Variants in SNTG2 observed in about 807,000 individuals in gnomAD.
SNTG2 encodes syntrophin gamma 2, also known as gamma-2-syntrophin.
A neutral mutation model predicts 70.9 loss-of-function variants in SNTG2; 74 were observed. The ratio of observed to expected loss-of-function variants is 1.04; its 90% CI spans 0.86 to 1.27. The LOEUF (loss-of-function observed/expected upper bound fraction) is 1.27, where lower values mean the gene tolerates loss of function less well. SNTG2 is among the 50% of genes most tolerant of loss of function. The probability of loss-of-function intolerance (pLI) is 0.00; values close to 1 mark genes in which losing one functional copy is unlikely to be tolerated. For missense variants in SNTG2, 717 were observed against 690.7 expected (o/e 1.04, Z -0.43); for synonymous variants, 278 against 273.8 (o/e 1.02, Z -0.15).
At chr2:1,286,181 G>A (rs1679757379) in intron 14 of SNTG2, among the ~76,000 whole-genome samples, 1 of 152,102 alleles carries the variant, frequency 6.6e-6, no homozygotes, top group Non-Finnish European at 1.5e-5. Context: ...AGAACATAAT[G>A]TCGAGGGAAC....
At chr2:1,177,565 C>G (rs889146553) in intron 8 of SNTG2, among the ~76,000 whole-genome samples, 3 of 150,980 alleles carry the variant, frequency 2.0e-5, no homozygotes, top group Non-Finnish European at 4.4e-5. Flanking sequence ...ACTTCTTTCT[C>G]AACAAAAACA....
At chr2:979,927 A>G (rs1031119698) in intron 1 of SNTG2, among the ~76,000 whole-genome samples, 3 of 152,162 alleles carry the variant, frequency 2.0e-5, no homozygotes, top group African/African-American at 7.2e-5. Flanking sequence ...ATTATGCCAC[A>G]TTTTGTTAAT....
At chr2:957,137 G>C (rs559852271) in intron 1 of SNTG2, among the ~76,000 whole-genome samples, 6 of 152,330 alleles carry the variant, frequency 3.9e-5, no homozygotes, top group African/African-American at 1.2e-4. Context: ...AACCCGATGA[G>C]TTAGATGCAG....
rs989044421 is a variant in SNTG2, at chr2:1,353,287, G to A, written c.1489-14056G>A. ...GAGCACGACCTGAGCTCCAGGGTGT[G>A]TTCATATGTGAGGGCTACAGCCTCA... is the stretch of plus-strand genomic sequence containing the variant. On this transcript the variant is annotated intron_variant, in intron 16 of 16. Coordinates refer to ENST00000308624, the MANE Select transcript of SNTG2 (RefSeq NM_018968.4). The surrounding 1 kb of genome is among the most constrained non-coding windows in gnomAD (Gnocchi z 4.2). Among the ~76,000 whole-genome samples the A allele has an allele frequency of 3.3e-5, 5 of 152,144 alleles. No homozygotes were observed.
intron 9 of SNTG2, among the ~76,000 whole-genome samples, chr2:1,211,539 A>G (rs1291017900): frequency 6.6e-6 from 1 of 152,188 alleles, no homozygotes; most frequent in African/African-American, 2.4e-5. Flanking sequence ...TATAAAGAAA[A>G]AGAGGTTTAA....
At chr2:1,156,639 T>C (rs1007238722) in intron 6 of SNTG2, among the ~76,000 whole-genome samples, 4 of 152,096 alleles carry the variant, frequency 2.6e-5, no homozygotes, top group African/African-American at 9.7e-5. Context: ...TTAAGTCCCT[T>C]GTTTCTGAAC....
chr2:1,092,264 A>AC (rs1665080862), intron 2 of SNTG2, among the ~76,000 whole-genome samples: 1 of 150,834 alleles, frequency 6.6e-6, no homozygotes, highest in Non-Finnish European at 1.5e-5. Flanking sequence ...AGAAAAAAAA[A>AC]CCCTTATTTT....
chr2:1,318,530 A>G (rs1681388284), intron 16 of SNTG2, among the ~76,000 whole-genome samples: 1 of 152,226 alleles, frequency 6.6e-6, no homozygotes, highest in Non-Finnish European at 1.5e-5. Flanking sequence ...GGGGAGAGCG[A>G]TGAGGCAGCG....
intron 1 of SNTG2, among the ~76,000 whole-genome samples, chr2:1,029,202 G>A (rs1008578456): frequency 2.0e-5 from 3 of 152,098 alleles, no homozygotes; most frequent in African/African-American, 7.2e-5. Context: ...GAATTGGTAC[G>A]TTACCAAAAG....
chr2:974,775 A>G (rs1660855859), intron 1 of SNTG2, among the ~76,000 whole-genome samples: 1 of 151,944 alleles, frequency 6.6e-6, no homozygotes, highest in Admixed American at 6.6e-5. Context: ...AATGTAGTTC[A>G]CTTTGTTGCC....
At chr2:1,068,299 A>T (rs1217231447) in intron 1 of SNTG2, 2 of 152,150 alleles carry the variant, frequency 1.3e-5, no homozygotes, top group African/African-American at 2.4e-5. Flanking sequence ...GTTCAAGCAG[A>T]TATAGATAGA....
Position 1,272,731 on chromosome 2 carries a change from TGCAGAAAGGACACCCCAGGG to T in SNTG2, c.1284+5161_1284+5180del, listed in dbSNP as rs1164523931. Among the ~76,000 whole-genome samples, 172 of 118,798 alleles carry T rather than the reference TGCAGAAAGGACACCCCAGGG, an allele frequency of 1.4e-3. 2 individuals are homozygous for T. The East Asian group carries it at 0.038, about 26-fold the overall frequency. The allele number at this position is 118,798 out of a possible 152,430, so 77.9% of individuals were successfully genotyped here. ...CAGAAAGGACACCCCAGGGAGCGGGTGCAGAAAGGACACCCCAGGGAGCGGGTGCAGAAAGGACACCCCAG... is the reference window on the plus strand; with the variant it reads ...CAGAAAGGACACCCCAGGGAGCGGGTAGCGGGTGCAGAAAGGACACCCCAG... On this transcript the variant is annotated intron_variant, in intron 14 of 16. Transcript: ENST00000308624.
chr2:1,059,336 G>T (rs1332062760), intron 1 of SNTG2: 1 of 148,468 alleles, frequency 6.7e-6, no homozygotes, highest in Non-Finnish European at 1.5e-5. Context: ...TCTCCTCCTG[G>T]ACTGAGTTTT....
chr2:1,039,354 A>G (rs552275519), intron 1 of SNTG2, among the ~76,000 whole-genome samples: 112 of 152,336 alleles, frequency 7.4e-4, no homozygotes, highest in African/African-American at 2.6e-3. Context: ...GTAGACGTCT[A>G]TTTTAAATAA....
intron 9 of SNTG2, among the ~76,000 whole-genome samples, chr2:1,236,748 C>A (rs1026096121): frequency 6.6e-6 from 1 of 152,108 alleles, no homozygotes; most frequent in Non-Finnish European, 1.5e-5. Flanking sequence ...TGTTTCCTAC[C>A]CCTTCTCCTA....
intron 14 of SNTG2, among the ~76,000 whole-genome samples, chr2:1,281,053 G>A (rs1209341887): frequency 1.3e-5 from 2 of 152,150 alleles, no homozygotes; most frequent in Admixed American, 6.5e-5. Flanking sequence ...TGCTTGTCGC[G>A]GGGTCAAGTG....
At chr2:1,197,911 A>T (rs1012953411) in intron 8 of SNTG2, among the ~76,000 whole-genome samples, 13 of 150,808 alleles carry the variant, frequency 8.6e-5, no homozygotes, top group African/African-American at 3.2e-4. Context: ...ATAATTGGGG[A>T]TTTCAACACT....
chr2:1,054,254 G>A (rs150459176), intron 1 of SNTG2, among the ~76,000 whole-genome samples: 29 of 137,222 alleles, frequency 2.1e-4, no homozygotes, highest in African/African-American at 6.3e-4. Context: ...ATCCCTAAGC[G>A]TCAGACCTCA....
chr2:1,031,528 ATTTTTTTTT>A (rs745388505), intron 1 of SNTG2, among the ~76,000 whole-genome samples: 4 of 59,142 alleles, frequency 6.8e-5, no homozygotes, highest in African/African-American at 3.3e-4. Flanking sequence ...ATATATATAT[ATTTTTTTTT>A]TTTTTTTTTT....
Sources: gnomAD v4.1 joint callset for allele counts (sites outside exome capture counted in the v4.1 genomes callset) on GRCh38, gnomAD v4.1.1 for gene constraint, Gnocchi (gnomAD v3.1) non-coding constraint, MANE v1.5 for transcripts, NCBI Gene and HGNC (gene_info 2026-07-23, HGNC 2026-07-21) for gene names.